DMD: variants seen among roughly 807,000 people sequenced by gnomAD.
DMD encodes the protein dystrophin.
In DMD, 63 loss-of-function variants were observed where a neutral mutation model predicts 330.1. The observed-to-expected ratio is 0.19, with a 90% CI of 0.16 to 0.24. The LOEUF is 0.24. Ranked by LOEUF, DMD falls within the 10% of genes least tolerant of loss-of-function variation. The pLI is 1.00. For missense variants in DMD, 3,344 were observed against 2,684.1 expected, an observed-to-expected ratio of 1.25 and a Z score of -5.43; for synonymous variants, 1,223 against 959.8, an observed-to-expected ratio of 1.27 and a Z score of -5.07.
intron 62 of DMD, among the ~76,000 whole-genome samples, chrX:31,313,603 G>T (rs1042596547): frequency 1.8e-5 from 2 of 110,791 alleles, no homozygotes; most frequent in African/African-American, 6.6e-5. Context: ...GGTGAACCTG[G>T]GCTTTTAGTG....
At chrX:31,779,415 T>C (rs1489994127) in intron 50 of DMD, among the ~76,000 whole-genome samples, 2 of 111,713 alleles carry the variant, frequency 1.8e-5, no homozygotes, top group African/African-American at 3.3e-5. Flanking sequence ...AAGCTGGCTC[T>C]GGTATTAGCT....
chrX:33,008,990 A>G (rs184580783), intron 2 of DMD, among the ~76,000 whole-genome samples: 33 of 99,409 alleles, frequency 3.3e-4, no homozygotes, highest in African/African-American at 9.7e-4. Flanking sequence ...ATGTATATAT[A>G]CGTGTGTATA....
intron 2 of DMD, among the ~76,000 whole-genome samples, chrX:33,019,683 T>A (rs2093876020): frequency 8.9e-6 from 1 of 111,816 alleles, no homozygotes; most frequent in Admixed American, 9.6e-5. Context: ...ACTTATTGTC[T>A]TTAATCATTT....
chrX:32,225,817 G>A (rs1238544182), intron 43 of DMD, among the ~76,000 whole-genome samples: 1 of 109,268 alleles, frequency 9.2e-6, no homozygotes, highest in East Asian at 2.9e-4. Context: ...GGCCTCCCCA[G>A]AAACAGATGT....
intron 7 of DMD, among the ~76,000 whole-genome samples, chrX:32,757,540 T>C (rs947621157): frequency 2.7e-5 from 3 of 111,250 alleles, no homozygotes; most frequent in African/African-American, 9.8e-5. Context: ...AACTGAATCA[T>C]GGCGGCAGGT....
At chrX:31,837,144 G>T (rs1258347126) in intron 48 of DMD, among the ~76,000 whole-genome samples, 1 of 111,904 alleles carries the variant, frequency 8.9e-6, no homozygotes, top group African/African-American at 3.2e-5. Flanking sequence ...ACTAGTTTTA[G>T]CTACAATAAT....
chrX:32,648,143 T>TA (rs1337962704), intron 9 of DMD, among the ~76,000 whole-genome samples: 2 of 111,980 alleles, frequency 1.8e-5, no homozygotes, highest in Non-Finnish European at 3.8e-5. Flanking sequence ...TTAAAAGGTG[T>TA]ATACTTATAC....
chrX:32,367,386 T>A (rs755525439), intron 34 of DMD, among the ~76,000 whole-genome samples: 1 of 112,294 alleles, frequency 8.9e-6, no homozygotes, highest in Non-Finnish European at 1.9e-5. Flanking sequence ...TCTACTGGCA[T>A]CTCGCTGTAG....
intron 1 of DMD, among the ~76,000 whole-genome samples, chrX:33,284,593 A>T (rs2053399046): frequency 9.4e-6 from 1 of 106,400 alleles, no homozygotes; most frequent in Non-Finnish European, 1.9e-5. Context: ...ACTGACTATC[A>T]ATGCTCTCTT....
rs2078915455 is a variant in DMD, at chrX:31,627,657, G to A, written c.8217+16C>T. 8.3e-7 allele frequency: 1 copy of A among 1,208,022 alleles called. No homozygotes were observed. The highest frequency in any genetic ancestry group is 3.0e-5 in the East Asian group (1 of 33,778). ...TTGGATCCACAAGAGTGCTAAAGCGGAAATGCCTGACTTACTTGCCATTGT... is the reference window on the plus strand; with the variant it reads ...TTGGATCCACAAGAGTGCTAAAGCGAAAATGCCTGACTTACTTGCCATTGT... On this transcript the variant is annotated intron_variant, in intron 55 of 78. Transcript: ENST00000357033.
intron 62 of DMD, among the ~76,000 whole-genome samples, chrX:31,264,091 T>C (rs2050794713): frequency 1.8e-5 from 2 of 112,387 alleles, no homozygotes; most frequent in Non-Finnish European, 3.8e-5. Flanking sequence ...ATATCTATCT[T>C]GTACCTTGAA....
intron 1 of DMD, among the ~76,000 whole-genome samples, chrX:33,319,935 T>A (rs1201878722): frequency 8.9e-6 from 1 of 111,847 alleles, no homozygotes; most frequent in Non-Finnish European, 1.9e-5. Flanking sequence ...ATTTCCACAG[T>A]TTACTTTATG....
chrX:31,455,992 T>A (rs983792354), intron 59 of DMD, among the ~76,000 whole-genome samples: 3 of 111,573 alleles, frequency 2.7e-5, no homozygotes, highest in African/African-American at 9.8e-5. Context: ...TGCCTTTTTC[T>A]TCTTTGCCCA....
At chrX:32,736,922 A>T (rs1420953572) in intron 7 of DMD, among the ~76,000 whole-genome samples, 3 of 111,432 alleles carry the variant, frequency 2.7e-5, no homozygotes, top group Non-Finnish European at 3.8e-5. Flanking sequence ...ATAATAATAA[A>T]AGAAAAAAAA....
At chrX:32,770,989 T>C (rs1033795084) in intron 7 of DMD, among the ~76,000 whole-genome samples, 4 of 111,568 alleles carry the variant, frequency 3.6e-5, no homozygotes, top group Non-Finnish European at 7.5e-5. Context: ...AATCCTGTGA[T>C]GACTCTCTGG....
chrX:33,121,054 A>G (rs2095421432), intron 1 of DMD, among the ~76,000 whole-genome samples: 1 of 109,984 alleles, frequency 9.1e-6, no homozygotes, highest in Admixed American at 9.9e-5. Context: ...TTCTGGGCCC[A>G]CTTAAATGTA....
rs781504650 is a variant in DMD, at chrX:32,140,510, G to A, written c.6438+76406C>T. On this transcript the variant is annotated intron_variant, in intron 44 of 78. Coordinates refer to ENST00000357033, the MANE Select transcript of DMD (RefSeq NM_004006.3). The stretch of plus-strand genomic sequence containing the variant: ...ACTTTTCAAAGTTGATAAGGATATA[G>A]TTTCTATTGTGAAAGTCTATTAGAC... 6.2e-5 allele frequency among the ~76,000 whole-genome samples: 7 copies of A among 112,357 alleles called. No individual in the cohort carries two copies. In the South Asian group the frequency reaches 2.6e-3, roughly 41 times the overall value.
chrX:33,320,396 G>T (rs138008666), intron 1 of DMD, among the ~76,000 whole-genome samples: 204 of 112,096 alleles, frequency 1.8e-3, no homozygotes, highest in African/African-American at 6.3e-3. Context: ...CCAAAATAAA[G>T]TGAGTCACAT....
rs191923848 is a variant in DMD at position 32,114,444 on chromosome X, A to G, written c.6438+102472T>C. Reference sequence around the variant, plus strand: ...GCTTCTCTTTGACCTCATTGACTCAATTCACCTTATGCCTTTCCCCTAATA... The same window carrying G: ...GCTTCTCTTTGACCTCATTGACTCAGTTCACCTTATGCCTTTCCCCTAATA... On this transcript the variant is annotated intron_variant, in intron 44 of 78. Coordinates refer to ENST00000357033, the MANE Select transcript of DMD (RefSeq NM_004006.3). Among the ~76,000 whole-genome samples, 331 of 111,827 alleles carry G rather than the reference A, an allele frequency of 3.0e-3. 2 individuals are homozygous for G. The highest frequency in any genetic ancestry group is 7.9e-3 in the South Asian group (21 of 2,655).
Sources: gnomAD v4.1 joint callset for allele counts (sites outside exome capture counted in the v4.1 genomes callset) on GRCh38, gnomAD v4.1.1 for gene constraint, MANE v1.5 for transcripts, NCBI Gene and HGNC (gene_info 2026-07-23, HGNC 2026-07-21) for gene names.